The following PPIP5K1 variants were observed in gnomAD, a reference collection of about 807,000 sequenced individuals.
The protein encoded by PPIP5K1 is inositol hexakisphosphate and diphosphoinositol-pentakisphosphate kinase 1.
PPIP5K1 carries 6 observed loss-of-function variants against 27.7 expected under a neutral mutation model. The observed-to-expected ratio is 0.22, with a 90% CI of 0.12 to 0.43. The LOEUF (loss-of-function observed/expected upper bound fraction) is 0.43, where lower values mean the gene tolerates loss of function less well. Among genes scored for constraint, PPIP5K1 ranks in the 20% least tolerant of loss-of-function variants. The probability of loss-of-function intolerance (pLI) is 1.00; values close to 1 mark genes in which losing one functional copy is unlikely to be tolerated. For missense variants in PPIP5K1, 394 were observed against 635.4 expected, an observed-to-expected ratio of 0.62 and a Z score of 4.08; for synonymous variants, 145 against 242.6, an observed-to-expected ratio of 0.60 and a Z score of 3.74.
At chr15:43,539,057 A>G (rs2080305947) in intron 31 of PPIP5K1, among the ~76,000 whole-genome samples, 2 of 152,092 alleles carry the variant, frequency 1.3e-5, no homozygotes, top group Admixed American at 1.3e-4. Context: ...CTAAAAATAC[A>G]AAATTTAGCT....
Position 43,535,168 on chromosome 15 carries a change from C to T in PPIP5K1, c.3979G>A (p.Asp1327Asn), listed in dbSNP as rs145853711. 3 of 1,613,162 alleles carry T rather than the reference C, an allele frequency of 1.9e-6. No homozygotes were observed. The highest frequency in any genetic ancestry group is 8.5e-7 in the Non-Finnish European group (1 of 1,179,750). ...EVPDISQPCQDISEALSQPCQ... is the reference protein window; with the variant it reads ...EVPDISQPCQNISEALSQPCQ... ...GGCTGGCTGAGCGCCTCAGAAATGT[C>T]CTGGCATGGCTGGCTGATGTCAGGG... Residue 1327 changes from aspartate (D) to asparagine (N), a missense_variant, in exon 32 of 32, where the codon GAC becomes AAC. Asp to Asn is a conservative substitution (Grantham distance 23). Coordinates refer to ENST00000420765, the MANE Select transcript of PPIP5K1 (RefSeq NM_001394395.1).
intron 30 of PPIP5K1, among the ~76,000 whole-genome samples, chr15:43,556,403 G>A (rs1376384974): frequency 2.0e-5 from 3 of 151,976 alleles, no homozygotes; most frequent in Non-Finnish European, 4.4e-5. Context: ...TTGGAAGGCC[G>A]AGGTGGGTGG....
chr15:43,535,165 T>G lies in PPIP5K1; in HGVS notation c.3982A>C (p.Ile1328Leu). The G allele has an allele frequency of 6.2e-7, 1 of 1,612,868 alleles. No individual in the cohort carries two copies. Among genetic ancestry groups the G allele is most frequent in the Non-Finnish European group, 8.5e-7 (1 of 1,179,646 alleles). Residue 1328 changes from isoleucine to leucine, a missense_variant, in exon 32 of 32, where the codon ATT (isoleucine) becomes CTT (leucine). By Grantham distance (5) the Ile-to-Leu change is conservative. Around this residue, in one of 4 missense-constraint regions of PPIP5K1, gnomAD observed 379 missense variants for 423.9 expected, o/e 0.89. Coordinates refer to ENST00000420765, the MANE Select transcript of PPIP5K1 (RefSeq NM_001394395.1). ...VPDISQPCQD[I>L]SEALSQPCQK... ...CATGGCTGGCTGAGCGCCTCAGAAA[T>G]GTCCTGGCATGGCTGGCTGATGTCA... is the stretch of plus-strand genomic sequence containing the variant.
intron 1 of PPIP5K1, among the ~76,000 whole-genome samples, chr15:43,586,608 G>A (rs2085309343): frequency 1.4e-5 from 1 of 69,772 alleles, no homozygotes; most frequent in Non-Finnish European, 2.8e-5. Context: ...TGAGGTGGAA[G>A]GTTTGTTTAA....
At chr15:43,545,179 TAAA>T (rs60345631) in intron 30 of PPIP5K1, among the ~76,000 whole-genome samples, 4 of 106,440 alleles carry the variant, frequency 3.8e-5, no homozygotes, top group East Asian at 2.6e-4. Context: ...GTCCGTCTCA[TAAA>T]AAAAAAAAAA....
chr15:43,551,832 T>C (rs1318190614), intron 30 of PPIP5K1, among the ~76,000 whole-genome samples: 1 of 151,976 alleles, frequency 6.6e-6, no homozygotes, highest in Non-Finnish European at 1.5e-5. Context: ...CTCGATCTCC[T>C]GACCTCGTGA....
At chr15:43,585,936 A>T (rs1222385548) in intron 1 of PPIP5K1, among the ~76,000 whole-genome samples, 1 of 101,040 alleles carries the variant, frequency 9.9e-6, no homozygotes, top group African/African-American at 3.4e-5. Flanking sequence ...CACGCCTGTA[A>T]TCCCAGCACT....
chr15:43,537,342 C>A, intron 31 of PPIP5K1: 1 of 181,902 alleles, frequency 5.5e-6, no homozygotes, highest in African/African-American at 5.7e-5. Flanking sequence ...AAGACTCCAC[C>A]TCAAAAAAAA....
At chr15:43,543,792 G>A (rs1199546445) in intron 30 of PPIP5K1, among the ~76,000 whole-genome samples, 2 of 136,064 alleles carry the variant, frequency 1.5e-5, no homozygotes, top group Non-Finnish European at 3.2e-5. Context: ...ACTCTGTAAT[G>A]CATATATATA....
chr15:43,558,979 T>C, intron 29 of PPIP5K1, 47 bp from the exon 30 acceptor site: 1 of 1,607,626 alleles, frequency 6.2e-7, no homozygotes, highest in Non-Finnish European at 8.5e-7. Flanking sequence ...CTGCCAGATA[T>C]ACCCCAACTG....
intron 30 of PPIP5K1, among the ~76,000 whole-genome samples, chr15:43,549,684 A>G (rs925639030): frequency 6.6e-6 from 1 of 151,930 alleles, no homozygotes; most frequent in Admixed American, 6.6e-5. Context: ...ATTTTAAAAA[A>G]TTTATTTTGT....
intron 1 of PPIP5K1, among the ~76,000 whole-genome samples, chr15:43,586,700 AATG>A (rs375477880): frequency 9.0e-6 from 1 of 110,600 alleles, no homozygotes; most frequent in African/African-American, 3.2e-5. Context: ...TGCCTCAAAT[AATG>A]ATGATAATAA....
chr15:43,551,360 A>C (rs563695663), intron 30 of PPIP5K1, among the ~76,000 whole-genome samples: 3 of 151,856 alleles, frequency 2.0e-5, no homozygotes, highest in Admixed American at 6.6e-5. Flanking sequence ...TCTACTAAAA[A>C]TACAAAAATT....
In PPIP5K1 at chr15:43,534,915, T is replaced by C. The variant is rs2079626637; in HGVS notation, c.4232A>G (p.His1411Arg). ...VEVGKLVHKFHVGVGSLVQET... is the reference protein window; with the variant it reads ...VEVGKLVHKFRVGVGSLVQET... ...CTGGACCAAGCTACCAACCCCTACA[T>C]GGAACTTATGGACCAGCTTGCCAAC... The change falls in exon 32 of 32, where the codon CAT (histidine) becomes CGT (arginine). Residue 1411 changes from histidine (H) to arginine (R), a missense_variant. Transcript: ENST00000420765. 10 of 1,614,046 alleles carry C rather than the reference T, an allele frequency of 6.2e-6. No homozygotes were observed. Among genetic ancestry groups the C allele is most frequent in the Non-Finnish European group, 7.6e-6 (9 of 1,179,976 alleles).
chr15:43,559,170 T>G (rs140170833), intron 29 of PPIP5K1, among the ~76,000 whole-genome samples: 3 of 152,170 alleles, frequency 2.0e-5, no homozygotes, highest in African/African-American at 4.8e-5. Context: ...CAAATCACCT[T>G]TCATGCTACC....
At chr15:43,551,531 AC>A (rs2082181694) in intron 30 of PPIP5K1, among the ~76,000 whole-genome samples, 3 of 129,258 alleles carry the variant, frequency 2.3e-5, no homozygotes, top group Non-Finnish European at 3.3e-5. Context: ...AAAAAAAAAA[AC>A]CCACAATAAT....
chr15:43,559,543 T>G (rs1489347278), intron 29 of PPIP5K1, among the ~76,000 whole-genome samples: 3 of 152,176 alleles, frequency 2.0e-5, no homozygotes, highest in Non-Finnish European at 4.4e-5. Context: ...AGTTCTTTCT[T>G]GGTAATTTCC....
At chr15:43,554,660 C>G (rs961644934) in intron 30 of PPIP5K1, among the ~76,000 whole-genome samples, 1 of 151,312 alleles carries the variant, frequency 6.6e-6, no homozygotes, top group Non-Finnish European at 1.5e-5. Context: ...CACACACACA[C>G]GCAGGCACGC....
In PPIP5K1 at chr15:43,535,519, A is replaced by G. The variant is rs766836628; in HGVS notation, c.3671-43T>C. The G allele has an allele frequency of 4.8e-6, 7 of 1,447,958 alleles. No individual in the cohort carries two copies. The East Asian group carries it at 1.6e-4, about 33-fold the overall frequency. 89.7% of individuals were successfully genotyped at this position (1,447,958 alleles called of 1,614,324 possible). A position where few individuals can be genotyped will look rare whatever the true frequency, so the allele number is the denominator to read the frequency against. On this transcript the variant is annotated intron_variant, in intron 31 of 31. Transcript: ENST00000420765. ...GAGATCAAGTTAGAGAAGCTGGAAG[A>G]GTAGGCTCTACCCTGTGCAGATAGT...
Sources: gnomAD v4.1 joint callset for allele counts (sites outside exome capture counted in the v4.1 genomes callset) on GRCh38, gnomAD v4.1.1 for gene constraint, gnomAD v4.1.1 regional missense constraint, MANE v1.5 for transcripts, NCBI Gene and HGNC (gene_info 2026-07-23, HGNC 2026-07-21) for gene names.